The following SIPA1L1 variants were observed in gnomAD, a reference collection of about 807,000 sequenced individuals.
The protein encoded by SIPA1L1 is signal induced proliferation associated 1 like 1.
A neutral mutation model predicts 162.7 loss-of-function variants in SIPA1L1; 26 were observed. That is an observed-to-expected ratio of 0.16 (90% CI 0.12 to 0.22). The LOEUF (loss-of-function observed/expected upper bound fraction) is 0.22. SIPA1L1 is among the 10% of genes least tolerant of loss of function. The pLI is 1.00. For missense variants in SIPA1L1, 1,874 were observed against 2,241.0 expected, an observed-to-expected ratio of 0.84 and a Z score of 3.31; for synonymous variants, 829 against 837.4, an observed-to-expected ratio of 0.99 and a Z score of 0.17.
intron 2 of SIPA1L1, among the ~76,000 whole-genome samples, chr14:71,436,500 G>C (rs1329765739): frequency 6.6e-6 from 1 of 151,952 alleles, no homozygotes; most frequent in African/African-American, 2.4e-5. Flanking sequence ...ACCATTTATT[G>C]AACAATTTAT....
chr14:71,386,385 A>G (rs1566959151), intron 2 of SIPA1L1, among the ~76,000 whole-genome samples: 1 of 152,096 alleles, frequency 6.6e-6, no homozygotes, highest in African/African-American at 2.4e-5. Context: ...AGCTGATTAG[A>G]TGGTGCCCAC....
chr14:71,390,463 T>G (rs1309214557), intron 2 of SIPA1L1, among the ~76,000 whole-genome samples: 1 of 152,196 alleles, frequency 6.6e-6, no homozygotes, highest in Non-Finnish European at 1.5e-5. Flanking sequence ...TTTTATTGGT[T>G]GTTTTGGTGC....
chr14:71,501,470 C>G (rs1157885776), intron 2 of SIPA1L1, among the ~76,000 whole-genome samples: 1 of 151,958 alleles, frequency 6.6e-6, no homozygotes, highest in African/African-American at 2.4e-5. Flanking sequence ...ATTCTCTGAC[C>G]CCATTTAAAT....
At chr14:71,337,619 A>G (rs1339100996) in intron 2 of SIPA1L1, among the ~76,000 whole-genome samples, 1 of 152,148 alleles carries the variant, frequency 6.6e-6, no homozygotes, top group Admixed American at 6.5e-5. Flanking sequence ...CCATGATTCA[A>G]TTATCTCCCA....
intron 2 of SIPA1L1, among the ~76,000 whole-genome samples, chr14:71,391,088 G>T: frequency 6.7e-6 from 1 of 148,662 alleles, no homozygotes. Flanking sequence ...TTAGTTTTGT[G>T]CCTGTATTCA....
chr14:71,382,000 C>T (rs190470099), intron 2 of SIPA1L1, among the ~76,000 whole-genome samples: 1 of 152,238 alleles, frequency 6.6e-6, no homozygotes, highest in Non-Finnish European at 1.5e-5. Context: ...TTTTAAAAGT[C>T]ATCAGTACTG....
intron 4 of SIPA1L1, among the ~76,000 whole-genome samples, chr14:71,572,340 A>G (rs897343950): frequency 6.6e-5 from 10 of 152,180 alleles, no homozygotes; most frequent in Non-Finnish European, 1.3e-4. Context: ...CTAATGGCAA[A>G]TGTTTTACTA....
At chr14:71,726,990 G>C (rs1467130735) in intron 19 of SIPA1L1, among the ~76,000 whole-genome samples, 1 of 152,128 alleles carries the variant, frequency 6.6e-6, no homozygotes, top group Non-Finnish European at 1.5e-5. Context: ...GTGCCACATT[G>C]ATTTTCCTGG....
intron 2 of SIPA1L1, among the ~76,000 whole-genome samples, chr14:71,499,437 C>A (rs1052844172): frequency 2.0e-5 from 3 of 152,124 alleles, no homozygotes; most frequent in African/African-American, 7.2e-5. Flanking sequence ...TATTGTTGAC[C>A]AGATTTTTTC....
At chr14:71,342,295 G>A (rs939372199) in intron 2 of SIPA1L1, among the ~76,000 whole-genome samples, 6 of 152,226 alleles carry the variant, frequency 3.9e-5, no homozygotes, top group African/African-American at 1.4e-4. Context: ...GCTGGGATTA[G>A]AGATGTGAGC....
intron 3 of SIPA1L1, among the ~76,000 whole-genome samples, chr14:71,521,819 A>T (rs987213326): frequency 2.0e-5 from 3 of 152,224 alleles, no homozygotes; most frequent in Non-Finnish European, 2.9e-5. Flanking sequence ...TCTTAGTGAC[A>T]TGGTTTTAAT....
intron 4 of SIPA1L1, among the ~76,000 whole-genome samples, chr14:71,548,885 CAAAAAAA>C (rs774158181): frequency 1.4e-4 from 9 of 65,386 alleles, no homozygotes; most frequent in African/African-American, 4.4e-4. Context: ...AGACTGTCTC[CAAAAAAA>C]AAAAAAAAAA....
intron 2 of SIPA1L1, among the ~76,000 whole-genome samples, chr14:71,407,981 A>G (rs1460019348): frequency 1.3e-5 from 2 of 152,182 alleles, no homozygotes; most frequent in East Asian, 3.9e-4. Context: ...TTTTAAATAT[A>G]GTCTTAGAAA....
chr14:71,332,953 T>C (rs544919305), intron 2 of SIPA1L1, among the ~76,000 whole-genome samples: 19 of 152,328 alleles, frequency 1.2e-4, no homozygotes, highest in African/African-American at 4.3e-4. Context: ...AAGAAAGAAA[T>C]TTAGAGTATT....
intron 2 of SIPA1L1, among the ~76,000 whole-genome samples, chr14:71,510,657 G>A (rs1381431630): frequency 5.3e-5 from 8 of 152,140 alleles, no homozygotes; most frequent in Non-Finnish European, 1.2e-4. Flanking sequence ...TCAGGGCCCA[G>A]TACCACTTCA....
intron 21 of SIPA1L1, among the ~76,000 whole-genome samples, chr14:71,734,294 G>A (rs983771729): frequency 2.0e-5 from 3 of 152,226 alleles, no homozygotes; most frequent in Non-Finnish European, 2.9e-5. Flanking sequence ...CCTGCTGGCC[G>A]TGTGCTCGCT....
intron 2 of SIPA1L1, among the ~76,000 whole-genome samples, chr14:71,449,640 C>T (rs192083677): frequency 5.9e-5 from 9 of 152,090 alleles, no homozygotes; most frequent in African/African-American, 1.9e-4. Context: ...GAACGAAGAA[C>T]GATTTTACTA....
chr14:71,600,618 T>G lies in SIPA1L1; in HGVS notation c.1498+11248T>G, dbSNP rs1357231409. ...CATATGAATTTTAGGATGTTTTTTC[T>G]ATTTCTGCAAAGAATGACATTGATA... On this transcript the variant is annotated intron_variant, in intron 5 of 23. Coordinates refer to ENST00000381232, the MANE Select transcript of SIPA1L1 (RefSeq NM_001386936.1). Among the ~76,000 whole-genome samples, 5 of 152,336 alleles carry G rather than the reference T, an allele frequency of 3.3e-5. No individual in the cohort carries two copies. In the East Asian group the frequency reaches 9.6e-4, roughly 29 times the overall value.
At chr14:71,704,980 T>C (rs761114424) in intron 15 of SIPA1L1, 51 of 619,674 alleles carry the variant, frequency 8.2e-5, no homozygotes, top group Non-Finnish European at 1.2e-4. Flanking sequence ...TTTGGTTTGG[T>C]GGTACTTGGC....
Sources: gnomAD v4.1 joint callset for allele counts (sites outside exome capture counted in the v4.1 genomes callset) on GRCh38, gnomAD v4.1.1 for gene constraint, MANE v1.5 for transcripts, NCBI Gene and HGNC (gene_info 2026-07-23, HGNC 2026-07-21) for gene names.